FHIP2A: variants seen among roughly 807,000 people sequenced by gnomAD.
FHIP2A encodes the protein FHF complex subunit HOOK interacting protein 2A, also known as family with sequence similarity 160 member B1.
A neutral mutation model predicts 93.5 loss-of-function variants in FHIP2A; 46 were observed. The observed-to-expected ratio is 0.49, with a 90% confidence interval of 0.39 to 0.63. The LOEUF (loss-of-function observed/expected upper bound fraction) is 0.63. Ranked by LOEUF, FHIP2A falls within the 20% of genes least tolerant of loss-of-function variation. The probability of loss-of-function intolerance (pLI) is 0.00; values close to 1 mark genes in which losing one functional copy is unlikely to be tolerated. For missense variants in FHIP2A, 769 were observed against 909.7 expected (o/e 0.85, Z 1.99); for synonymous variants, 332 against 326.5 (o/e 1.02, Z -0.18).
chr10:114,828,953 A>G (rs2083592738), intron 1 of FHIP2A, among the ~76,000 whole-genome samples: 1 of 152,222 alleles, frequency 6.6e-6, no homozygotes, highest in Non-Finnish European at 1.5e-5. Flanking sequence ...TAAGGTGTTT[A>G]TGACCAATAT....
At chr10:114,899,537 G>T in exon 17 of FHIP2A, 1 of 718,260 alleles carries the variant, frequency 1.4e-6, no homozygotes, top group South Asian at 1.5e-5. Context: ...AGTCTCTTAT[G>T]TCCTCAAAGC....
chr10:114,889,930 T>C (rs991057216), intron 16 of FHIP2A, among the ~76,000 whole-genome samples: 1 of 152,250 alleles, frequency 6.6e-6, no homozygotes, highest in Non-Finnish European at 1.5e-5. Flanking sequence ...GTGTTGGCCA[T>C]TGCTTTGCCA....
At chr10:114,881,011 A>G (rs972741809) in intron 16 of FHIP2A, among the ~76,000 whole-genome samples, 2 of 152,198 alleles carry the variant, frequency 1.3e-5, no homozygotes, top group African/African-American at 4.8e-5. Flanking sequence ...TATAAACATA[A>G]CAGAAAGCCT....
At chr10:114,868,589 G>A (rs756090638), downstream of FHIP2A, among the ~76,000 whole-genome samples, 4 of 151,974 alleles carry the variant, frequency 2.6e-5, no homozygotes, top group African/African-American at 4.8e-5. Flanking sequence ...TAAATATTAG[G>A]TAATACTTTA....
At chr10:114,839,739 G>A (rs1049262112) in intron 5 of FHIP2A, among the ~76,000 whole-genome samples, 4 of 151,854 alleles carry the variant, frequency 2.6e-5, no homozygotes, top group African/African-American at 9.7e-5. Context: ...AAAATCAGTC[G>A]GGCTTGGTGG....
At chr10:114,878,701 AC>A (rs2083901611) in intron 16 of FHIP2A, among the ~76,000 whole-genome samples, 1 of 150,636 alleles carries the variant, frequency 6.6e-6, no homozygotes, top group Admixed American at 6.7e-5. Flanking sequence ...AAGTGCTTGA[AC>A]CTGGGAGGCA....
At chr10:114,860,011 G>A (rs1330358469) in intron 14 of FHIP2A, among the ~76,000 whole-genome samples, 2 of 152,152 alleles carry the variant, frequency 1.3e-5, no homozygotes, top group African/African-American at 2.4e-5. Context: ...AATCTGAGGT[G>A]AGGAATATCA....
intron 12 of FHIP2A, among the ~76,000 whole-genome samples, chr10:114,848,405 T>A (rs1301770121): frequency 6.6e-6 from 1 of 152,230 alleles, no homozygotes; most frequent in African/African-American, 2.4e-5. Context: ...TTTAAAATAA[T>A]GAGAATATTT....
chr10:114,876,712 T>A (rs963672422), intron 16 of FHIP2A, among the ~76,000 whole-genome samples: 1 of 151,858 alleles, frequency 6.6e-6, no homozygotes, highest in South Asian at 2.1e-4. Flanking sequence ...CAGAGATGAG[T>A]CTCTTCTCAC....
At chr10:114,885,220 T>A in intron 16 of FHIP2A, among the ~76,000 whole-genome samples, 1 of 151,640 alleles carries the variant, frequency 6.6e-6, no homozygotes, top group African/African-American at 2.4e-5. Flanking sequence ...CATGGTGAAA[T>A]CCCGTCTCTA....
At chr10:114,824,331 T>G (rs1234181424) in intron 1 of FHIP2A, among the ~76,000 whole-genome samples, 2 of 152,236 alleles carry the variant, frequency 1.3e-5, no homozygotes, top group Non-Finnish European at 2.9e-5. Context: ...GTCCTCGTTA[T>G]CTTTTTATAA....
chr10:114,870,272 G>A (rs35628210), intron 16 of FHIP2A, among the ~76,000 whole-genome samples: 48,401 of 151,930 alleles, frequency 0.32, 8,265 homozygotes, highest in South Asian at 0.39. Context: ...GAGTTTTTCT[G>A]CTGATTCCTG....
Position 114,843,755 on chromosome 10 carries a change from T to C in FHIP2A, c.831T>C (p.Ala277=). ...NLTRSPDGRI[A]VKACEGLMLL... is the part of the protein sequence containing the mutation. The stretch of plus-strand genomic sequence containing the variant: ...TTTTCCTTTAGGATGGCAGAATAGC[T>C]GTGAAGGCATGTGAAGGCTTGATGC... Residue 277 remains alanine (A), a synonymous_variant, in exon 7 of 17, where the codon GCT becomes GCC. Transcript: ENST00000369248. 1.9e-6 allele frequency: 3 copies of C among 1,548,992 alleles called. No homozygotes were observed. Among genetic ancestry groups the C allele is most frequent in the Non-Finnish European group, 2.6e-6 (3 of 1,154,778 alleles).
chr10:114,881,941 CGTGTGT>C (rs2083919299), intron 16 of FHIP2A, among the ~76,000 whole-genome samples: 2 of 152,110 alleles, frequency 1.3e-5, no homozygotes, highest in Admixed American at 1.3e-4. Context: ...TGCACGTGCG[CGTGTGT>C]ATGTGTGTCT....
chr10:114,876,812 C>T (rs922375341), intron 16 of FHIP2A, among the ~76,000 whole-genome samples: 1 of 152,144 alleles, frequency 6.6e-6, no homozygotes, highest in Non-Finnish European at 1.5e-5. Flanking sequence ...CCCCACAGTG[C>T]ACCCCACTCG....
Position 114,855,148 on chromosome 10 carries a change from C to T in FHIP2A, c.1804-49C>T, listed in dbSNP as rs963854521. 3.2e-6 allele frequency: 5 copies of T among 1,562,656 alleles called. No homozygotes were observed. The African/African-American group carries it at 6.9e-5, about 21-fold the overall frequency. ...TTTAATGAAATCATTTCTATTTCAT[C>T]TTAATTTGTTTTTGTTCTTTAATGA... On this transcript the variant is annotated intron_variant, in intron 13 of 16. Transcript: ENST00000369248.
rs1409973803 is a variant in FHIP2A, at chr10:114,861,957, A to G, written c.*417A>G. On this transcript the variant is annotated 3_prime_UTR_variant, in exon 17 of 17. Transcript: ENST00000369248. ...GTATTCTTTTGGATTAATAAGTAGC[A>G]AAAAAAAATCACTAATTTTATAACT... 1 of 965,102 alleles carries G rather than the reference A, an allele frequency of 1.0e-6. No individual in the cohort carries two copies. Among genetic ancestry groups the G allele is most frequent in the East Asian group, 1.1e-4 (1 of 8,716 alleles). 59.8% of individuals were successfully genotyped at this position (965,102 alleles called of 1,614,324 possible).
intron 1 of FHIP2A, among the ~76,000 whole-genome samples, chr10:114,824,739 C>T (rs921213694): frequency 3.9e-5 from 6 of 152,200 alleles, no homozygotes; most frequent in Non-Finnish European, 8.8e-5. Context: ...ATATTTTCCT[C>T]TATGAACCAA....
At chr10:114,880,600 A>G (rs755376435) in intron 16 of FHIP2A, among the ~76,000 whole-genome samples, 1 of 151,972 alleles carries the variant, frequency 6.6e-6, no homozygotes, top group Non-Finnish European at 1.5e-5. Flanking sequence ...GAATCACTTG[A>G]ACCTGGCAGA....
Sources: allele counts gnomAD v4.1 joint callset (sites outside exome capture counted in the v4.1 genomes callset), GRCh38; gene constraint gnomAD v4.1.1; transcripts MANE v1.5; gene names NCBI Gene and HGNC (gene_info 2026-07-23, HGNC 2026-07-21).